The following NOL4L variants were observed in gnomAD, a reference collection of about 807,000 sequenced individuals.
NOL4L encodes the protein nucleolar protein 4-like.
A neutral mutation model predicts 64.5 loss-of-function variants in NOL4L; 7 were observed. The ratio of observed to expected loss-of-function variants is 0.11; its 90% confidence interval spans 0.06 to 0.20. NOL4L has a LOEUF of 0.20. NOL4L is among the 10% of genes least tolerant of loss of function. The pLI, the probability that NOL4L is intolerant of heterozygous loss-of-function variation, is 1.00. For synonymous variants in NOL4L, 413 were observed against 401.0 expected (o/e 1.03, Z -0.36); for missense variants, 680 against 967.1 (o/e 0.70, Z 3.94).
At chr20:32,504,791 G>A (rs1422025710) in intron 4 of NOL4L, among the ~76,000 whole-genome samples, 1 of 152,036 alleles carries the variant, frequency 6.6e-6, no homozygotes, top group Non-Finnish European at 1.5e-5. Flanking sequence ...TTTAGAAATG[G>A]AGTTTCCTCA....
intron 1 of NOL4L, among the ~76,000 whole-genome samples, chr20:32,537,561 C>G (rs2018569271): frequency 6.6e-6 from 1 of 152,194 alleles, no homozygotes; most frequent in Non-Finnish European, 1.5e-5. Flanking sequence ...AGCTGGGGTT[C>G]AAATCCAGGG....
intron 3 of NOL4L, among the ~76,000 whole-genome samples, chr20:32,512,222 A>G (rs1600797397): frequency 6.6e-6 from 1 of 152,114 alleles, no homozygotes; most frequent in Non-Finnish European, 1.5e-5. Flanking sequence ...TCCTTATCAT[A>G]TTGCACAGCT....
intron 1 of NOL4L, among the ~76,000 whole-genome samples, chr20:32,545,147 C>T (rs2018714775): frequency 6.6e-6 from 1 of 152,172 alleles, no homozygotes; most frequent in South Asian, 2.1e-4. Context: ...GTGGTGCCTG[C>T]CTGTAGTCCC....
intron 1 of NOL4L, among the ~76,000 whole-genome samples, chr20:32,528,303 G>A (rs916358200): frequency 3.3e-5 from 5 of 152,172 alleles, no homozygotes; most frequent in Admixed American, 2.0e-4. Context: ...TCAGGAGCTC[G>A]CCAATTAGCA....
Position 32,460,709 on chromosome 20 carries a change from G to A in NOL4L, c.842-4314C>T, listed in dbSNP as rs2013963217. ...GCACGAGGCTCCCAGACTGCAACGG[G>A]GGCTTCTGGGGATCCCGGAGCCCAG... On this transcript the variant is annotated intron_variant, in intron 5 of 10. Transcript: ENST00000621426. This position sits in a 1 kb window ranked among gnomAD's most constrained non-coding sequence, Gnocchi z 5.7. 6.6e-6 allele frequency among the ~76,000 whole-genome samples: 1 copy of A among 152,156 alleles called. No homozygotes were observed. The highest frequency in any genetic ancestry group is 1.5e-5 in the Non-Finnish European group (1 of 68,030).
At position 32,453,455 on chromosome 20, in the gene NOL4L, A is replaced by G. The variant is rs770652373; in HGVS notation, c.1346T>C (p.Met449Thr). The G allele has an allele frequency of 6.2e-7, 1 of 1,614,076 alleles. No homozygotes were observed. The highest frequency in any genetic ancestry group is 1.7e-5 in the Admixed American group (1 of 60,028). Residue 449 changes from methionine (M) to threonine (T), a missense_variant, in exon 8 of 11, where the codon ATG becomes ACG. This residue lies in a region of NOL4L where 70 missense variants were observed against 166.1 expected (regional missense o/e 0.42). Transcript: ENST00000621426. The surrounding 1 kb of genome is among the most constrained non-coding windows in gnomAD (Gnocchi z 5.6). Reference sequence around the variant, plus strand: ...CTTGGGCTGCTTGGAGATGGGCACCATGCGGTCCAGGTTCTCGTCCACAAA... The same window carrying G: ...CTTGGGCTGCTTGGAGATGGGCACCGTGCGGTCCAGGTTCTCGTCCACAAA... Reference protein sequence around the residue: ...RLFVDENLDRMVPISKQPKEK... With the variant: ...RLFVDENLDRTVPISKQPKEK...
intron 1 of NOL4L, among the ~76,000 whole-genome samples, chr20:32,530,776 C>G (rs1229544522): frequency 6.6e-6 from 1 of 151,956 alleles, no homozygotes; most frequent in Non-Finnish European, 1.5e-5. Context: ...AGAAAATTAG[C>G]TGGGTGTGGT....
intron 4 of NOL4L, among the ~76,000 whole-genome samples, chr20:32,508,491 T>C (rs2017230870): frequency 6.6e-6 from 1 of 152,176 alleles, no homozygotes; most frequent in Non-Finnish European, 1.5e-5. Flanking sequence ...TTGCTTTGCA[T>C]GGAGTGCTGA....
chr20:32,548,276 C>T (rs928081963), intron 1 of NOL4L, among the ~76,000 whole-genome samples: 2 of 152,212 alleles, frequency 1.3e-5, no homozygotes, highest in Non-Finnish European at 2.9e-5. Flanking sequence ...AGGCATACAA[C>T]AGATGCTCAT....
At chr20:32,465,342 T>C (rs781285756) in intron 5 of NOL4L, among the ~76,000 whole-genome samples, 1 of 152,134 alleles carries the variant, frequency 6.6e-6, no homozygotes, top group Middle Eastern at 3.4e-3. Flanking sequence ...GGCCGCCCAG[T>C]GCTCTCAGAC....
In NOL4L at chr20:32,500,198, G is replaced by A. The variant is rs2016861842; in HGVS notation, c.699+11149C>T. Among the ~76,000 whole-genome samples, 3 of 152,174 alleles carry A rather than the reference G, an allele frequency of 2.0e-5. No individual in the cohort carries two copies. The South Asian group carries it at 6.2e-4, about 32-fold the overall frequency. ...ACTTCAGTACCAATGGGCACACATAGTGCCCAGATCTTGTTTTTTTGTTTT... is the reference window on the plus strand; with the variant it reads ...ACTTCAGTACCAATGGGCACACATAATGCCCAGATCTTGTTTTTTTGTTTT... On this transcript the variant is annotated intron_variant, in intron 4 of 10. Coordinates refer to ENST00000621426, the MANE Select transcript of NOL4L (RefSeq NM_001256798.2).
rs567153483 is a variant in NOL4L, at chr20:32,466,422, C to T, written c.841+8179G>A. On this transcript the variant is annotated intron_variant, in intron 5 of 10. Transcript: ENST00000621426. ...TCTCCCAGCGTCTCTCACCCCTTGG[C>T]GGGCCGGGGCCCAGCACAGCCCAGC... 2.4e-4 allele frequency among the ~76,000 whole-genome samples: 37 copies of T among 152,334 alleles called. No homozygotes were observed. In the South Asian group the frequency reaches 4.8e-3, roughly 20 times the overall value.
At chr20:32,476,825 C>G (rs1057178827) in intron 4 of NOL4L, among the ~76,000 whole-genome samples, 1 of 152,228 alleles carries the variant, frequency 6.6e-6, no homozygotes, top group South Asian at 2.1e-4. Flanking sequence ...GACCTGTTTG[C>G]CAGGGCAGCC....
At chr20:32,451,996 AG>A (rs543450370) in intron 10 of NOL4L, among the ~76,000 whole-genome samples, 92 of 152,326 alleles carry the variant, frequency 6.0e-4, no homozygotes, top group African/African-American at 2.2e-3. Context: ...GGCGGTGAGA[AG>A]GGGGCGGTAG....
chr20:32,456,410 C>G lies in NOL4L; in HGVS notation c.842-15G>C. The G allele has an allele frequency of 2.1e-6, 3 of 1,453,672 alleles. No individual in the cohort carries two copies. Among genetic ancestry groups the G allele is most frequent in the Non-Finnish European group, 2.7e-6 (3 of 1,100,282 alleles). 90.0% of individuals were successfully genotyped at this position (1,453,672 alleles called of 1,614,324 possible). ...GGAGGAGTCATCTGGAATGAGAGGCCTGGGTGTGAGGCCCCACCCAAGGCA... is the reference window on the plus strand; with the variant it reads ...GGAGGAGTCATCTGGAATGAGAGGCGTGGGTGTGAGGCCCCACCCAAGGCA... On this transcript the variant is annotated splice_polypyrimidine_tract_variant and intron_variant, in intron 5 of 10. Transcript: ENST00000621426.
At chr20:32,510,237 C>A (rs1038019397) in intron 4 of NOL4L, 12 of 350,844 alleles carry the variant, frequency 3.4e-5, no homozygotes, top group Non-Finnish European at 6.8e-5. Context: ...AGTTCTACCG[C>A]TCAGAGCAAA....
At chr20:32,562,238 T>C (rs1979068979) in intron 1 of NOL4L, among the ~76,000 whole-genome samples, 1 of 152,104 alleles carries the variant, frequency 6.6e-6, no homozygotes. Flanking sequence ...AGATGTCAGA[T>C]TGACTTCCAC....
chr20:32,532,902 G>A (rs1249768431), intron 1 of NOL4L, among the ~76,000 whole-genome samples: 2 of 152,158 alleles, frequency 1.3e-5, no homozygotes, highest in Admixed American at 6.5e-5. Flanking sequence ...ACATTGCCAT[G>A]GTAACACACA....
chr20:32,537,911 T>C (rs967040188), intron 1 of NOL4L, among the ~76,000 whole-genome samples: 1 of 152,106 alleles, frequency 6.6e-6, no homozygotes, highest in Admixed American at 6.5e-5. Flanking sequence ...CCCGAGTAGC[T>C]GGGATTACAG....
Sources: gnomAD v4.1 joint callset for allele counts (sites outside exome capture counted in the v4.1 genomes callset) on GRCh38, gnomAD v4.1.1 for gene constraint, gnomAD v4.1.1 regional missense constraint, Gnocchi (gnomAD v3.1) non-coding constraint, MANE v1.5 for transcripts, NCBI Gene and HGNC (gene_info 2026-07-23, HGNC 2026-07-21) for gene names.